IFT122: variants seen among roughly 807,000 people sequenced by gnomAD.
IFT122 encodes the protein intraflagellar transport 122.
IFT122 carries 118 observed loss-of-function variants against 161.6 expected under a neutral mutation model. That is an observed-to-expected ratio of 0.73 (90% CI 0.63 to 0.85). IFT122 has a LOEUF of 0.85. IFT122 is among the 40% of genes least tolerant of loss of function. The pLI, the probability that IFT122 is intolerant of heterozygous loss-of-function variation, is 0.00. For synonymous variants in IFT122, 550 were observed against 602.4 expected (o/e 0.91, Z 1.27); for missense variants, 1,381 against 1,579.6 (o/e 0.87, Z 2.13).
At chr3:129,479,279 ATTAT>A (rs2078349198) in intron 12 of IFT122, among the ~76,000 whole-genome samples, 1 of 143,224 alleles carries the variant, frequency 7.0e-6, no homozygotes, top group East Asian at 2.0e-4. Flanking sequence ...AAAAAAAAAA[ATTAT>A]TTAATTAGCT....
At chr3:129,463,245 T>TCTCGG in intron 5 of IFT122, 4 of 360,068 alleles carry the variant, frequency 1.1e-5, no homozygotes, top group South Asian at 2.4e-5. Flanking sequence ...CATGTGTAGA[T>TCTCGG]TGCCATCAGC....
intron 9 of IFT122, among the ~76,000 whole-genome samples, chr3:129,474,494 A>G (rs1196387067): frequency 1.3e-5 from 2 of 152,156 alleles, no homozygotes; most frequent in Non-Finnish European, 2.9e-5. Flanking sequence ...CAACGAGAGA[A>G]GTGCAATGGG....
chr3:129,453,031 G>A (rs1291236850), intron 3 of IFT122, among the ~76,000 whole-genome samples: 1 of 152,112 alleles, frequency 6.6e-6, no homozygotes, highest in Non-Finnish European at 1.5e-5. Flanking sequence ...CCACTGAGAT[G>A]GAAAAGACTG....
chr3:129,461,126 T>C, intron 4 of IFT122, 102 bp from the exon 5 acceptor site: 1 of 1,039,928 alleles, frequency 9.6e-7, no homozygotes, highest in Non-Finnish European at 1.5e-6. Context: ...GAGCATGTGG[T>C]CTAAAGTCAG....
intron 1 of IFT122, among the ~76,000 whole-genome samples, chr3:129,448,817 G>T (rs373306639): frequency 6.6e-6 from 1 of 151,720 alleles, no homozygotes; most frequent in Non-Finnish European, 1.5e-5. Flanking sequence ...TCAGCCTCTC[G>T]AGTAGCTGGG....
intron 9 of IFT122, among the ~76,000 whole-genome samples, chr3:129,471,828 G>A (rs145781271): frequency 6.6e-6 from 1 of 152,198 alleles, no homozygotes; most frequent in African/African-American, 2.4e-5. Context: ...CATTTGAAGT[G>A]TTAGTAATAC....
chr3:129,450,790 G>T (rs542794190), intron 2 of IFT122, among the ~76,000 whole-genome samples: 1 of 143,792 alleles, frequency 7.0e-6, no homozygotes, highest in African/African-American at 2.6e-5. Flanking sequence ...ACGCGATCTC[G>T]GCTTACTGCA....
chr3:129,480,840 A>G (rs993058038), intron 13 of IFT122, among the ~76,000 whole-genome samples: 1 of 152,178 alleles, frequency 6.6e-6, no homozygotes, highest in Admixed American at 6.5e-5. Context: ...AACAGATATC[A>G]TCAGGGTTGG....
At chr3:129,511,886 GC>G (rs2108626157) in intron 23 of IFT122, among the ~76,000 whole-genome samples, 1 of 152,366 alleles carries the variant, frequency 6.6e-6, no homozygotes, top group South Asian at 2.1e-4. Context: ...TATGTCCTAA[GC>G]TGCATAGAAG....
At chr3:129,456,453 A>T (rs1417142009) in intron 3 of IFT122, among the ~76,000 whole-genome samples, 2 of 152,128 alleles carry the variant, frequency 1.3e-5, no homozygotes, top group Non-Finnish European at 2.9e-5. Flanking sequence ...CCTGGCCAAC[A>T]CAGTGAAACC....
intron 8 of IFT122, 71 bp downstream of exon 8, chr3:129,467,137 A>G: frequency 6.8e-7 from 1 of 1,468,558 alleles, no homozygotes; most frequent in Non-Finnish European, 9.4e-7. Context: ...GCCAGGACAG[A>G]TGTTAAACTC....
At chr3:129,472,891 G>A (rs2077513736) in intron 9 of IFT122, among the ~76,000 whole-genome samples, 1 of 152,028 alleles carries the variant, frequency 6.6e-6, no homozygotes, top group Non-Finnish European at 1.5e-5. Flanking sequence ...ATTTGTTTCA[G>A]TTATTATTGC....
At position 129,492,533 on chromosome 3, in the gene IFT122, G is replaced by A. The variant is rs1031670079; in HGVS notation, c.2046+339G>A. Among the ~76,000 whole-genome samples the A allele has an allele frequency of 5.3e-5, 8 of 152,262 alleles. No homozygotes were observed. The South Asian group carries it at 8.3e-4, about 16-fold the overall frequency. ...AACTGGTTTGCATCCTCCTGGTGGC[G>A]GATAGCTGGTCACCATCCTCTCAGA... is the stretch of plus-strand genomic sequence containing the variant. On this transcript the variant is annotated intron_variant, in intron 17 of 29. Coordinates refer to ENST00000348417, the MANE Select transcript of IFT122 (RefSeq NM_052989.3).
intron 18 of IFT122, among the ~76,000 whole-genome samples, chr3:129,497,475 A>G (rs1311670668): frequency 1.3e-5 from 2 of 152,210 alleles, no homozygotes; most frequent in Admixed American, 6.5e-5. Flanking sequence ...CTGTAGAAAG[A>G]TTAGGAAGAT....
Position 129,465,648 on chromosome 3 carries a change from T to TG in IFT122, c.563+867_563+868insG, listed in dbSNP as rs1372301764. 8.7e-5 allele frequency among the ~76,000 whole-genome samples: 8 copies of TG among 91,614 alleles called. 1 individual carries two copies. The highest frequency in any genetic ancestry group is 4.4e-3 in the Middle Eastern group (1 of 228). The allele number at this position is 91,614 out of a possible 152,430, so 60.1% of individuals were successfully genotyped here. On this transcript the variant is annotated intron_variant, in intron 7 of 29. Transcript: ENST00000348417. ...ACCACGCCTGGCTAATTTTTTTTTT[T>TG]TTTTTGAGACGGAGTCTCGCTCTGT...
intron 3 of IFT122, 146 bp downstream of exon 3, chr3:129,452,144 G>C: frequency 1.5e-6 from 1 of 678,008 alleles, no homozygotes; most frequent in Non-Finnish European, 2.7e-6. Flanking sequence ...CTTCAGTTTG[G>C]TCATTCAATC....
chr3:129,497,903 T>C (rs2081077155), intron 18 of IFT122, among the ~76,000 whole-genome samples: 1 of 152,226 alleles, frequency 6.6e-6, no homozygotes, highest in Non-Finnish European at 1.5e-5. Flanking sequence ...CATTCCCACG[T>C]ACAAATAAAT....
rs778846137 is a variant in IFT122 at position 129,460,882 on chromosome 3, C to T, written c.273-346C>T. The T allele has an allele frequency of 4.3e-5, 70 of 1,613,888 alleles. No homozygotes were observed. Among genetic ancestry groups the T allele is most frequent in the Non-Finnish European group, 5.6e-5 (66 of 1,179,940 alleles). On this transcript the variant is annotated intron_variant, in intron 4 of 29. Transcript: ENST00000348417. ...TTGGTCTGTGATGTCTTCATTGCAC[C>T]TCCATCTTCCATTTCTGGGCCTCCA...
intron 23 of IFT122, among the ~76,000 whole-genome samples, chr3:129,511,343 A>G (rs775110253): frequency 6.6e-6 from 1 of 152,200 alleles, no homozygotes; most frequent in Non-Finnish European, 1.5e-5. Flanking sequence ...TTACGTGTGA[A>G]CTAAATAGAA....
Sources: gnomAD v4.1 joint callset for allele counts (sites outside exome capture counted in the v4.1 genomes callset) on GRCh38, gnomAD v4.1.1 for gene constraint, MANE v1.5 for transcripts, NCBI Gene and HGNC (gene_info 2026-07-23, HGNC 2026-07-21) for gene names.